RTN1: variants seen among roughly 807,000 people sequenced by gnomAD.
RTN1 encodes reticulon-1.
Under a neutral mutation model 65.5 loss-of-function variants are expected in RTN1, and 25 were observed. That is an observed-to-expected ratio of 0.38 (90% CI 0.28 to 0.53). The LOEUF (loss-of-function observed/expected upper bound fraction) is 0.53, where lower values mean the gene tolerates loss of function less well. Among genes scored for constraint, RTN1 ranks in the 20% least tolerant of loss-of-function variants. The pLI, the probability that RTN1 is intolerant of heterozygous loss-of-function variation, is 0.79. For missense variants in RTN1, 983 were observed against 1,025.4 expected, an observed-to-expected ratio of 0.96 and a Z score of 0.57; for synonymous variants, 471 against 447.6, an observed-to-expected ratio of 1.05 and a Z score of -0.66.
chr14:59,851,302 G>C lies in RTN1; in HGVS notation c.241+19088C>G, dbSNP rs1887502245. 2.0e-5 allele frequency among the ~76,000 whole-genome samples: 3 copies of C among 152,142 alleles called. No individual in the cohort carries two copies. The South Asian group carries it at 6.2e-4, about 32-fold the overall frequency. On this transcript the variant is annotated intron_variant, in intron 1 of 8. Transcript: ENST00000267484. ...AGGTTGACCTTGATGTCTTCTGTCT[G>C]GCAGAATGGCAGAGAATTTCATTTT...
chr14:59,727,072 G>C lies in RTN1; in HGVS notation c.1612C>G (p.Pro538Ala), dbSNP rs751537057. Reference sequence around the variant, plus strand: ...TCAGGCTCCAGGGCTCCGTCTCCAGGGGGCAGCTCGGGGCCAGGCTGGGGC... The same window carrying C: ...TCAGGCTCCAGGGCTCCGTCTCCAGCGGGCAGCTCGGGGCCAGGCTGGGGC... ...TEPQPGPELP[P>A]GDGALEPETP... The change falls in exon 3 of 9, where the codon CCT becomes GCT. Residue 538 changes from proline to alanine, a missense_variant. Around this residue, in one of 2 missense-constraint regions of RTN1, gnomAD observed 818 missense variants for 801.8 expected, o/e 1.02. Transcript: ENST00000267484. The surrounding 1 kb of genome is among the most constrained non-coding windows in gnomAD (Gnocchi z 4.2). 1 of 1,612,402 alleles carries C rather than the reference G, an allele frequency of 6.2e-7. No homozygotes were observed. Among genetic ancestry groups the C allele is most frequent in the East Asian group, 2.2e-5 (1 of 44,798 alleles).
intron 1 of RTN1, among the ~76,000 whole-genome samples, chr14:59,749,571 A>ATC (rs1566712208): frequency 0.13 from 6,291 of 49,676 alleles, 1,884 homozygotes; most frequent in African/African-American, 0.26. Flanking sequence ...ATATATAGAT[A>ATC]TATATATATA....
chr14:59,759,022 C>A (rs899600653), intron 1 of RTN1, among the ~76,000 whole-genome samples: 2 of 152,100 alleles, frequency 1.3e-5, no homozygotes, highest in African/African-American at 2.4e-5. Flanking sequence ...AGAAGTGATG[C>A]TGGGTGGGTT....
rs556869429 is a variant in RTN1, at chr14:59,645,347, A to G, written c.1766-37855T>C. 7.2e-5 allele frequency among the ~76,000 whole-genome samples: 11 copies of G among 152,322 alleles called. No homozygotes were observed. In the South Asian group the frequency reaches 1.0e-3, roughly 14 times the overall value. The stretch of plus-strand genomic sequence containing the variant: ...ACCTCCTGCATATTCCAGCAGCCCA[A>G]TGGAAAAGTGGCCAGACTTTTATAT... On this transcript the variant is annotated intron_variant, in intron 3 of 8. Coordinates refer to ENST00000267484, the MANE Select transcript of RTN1 (RefSeq NM_021136.3).
At chr14:59,664,793 G>C (rs1230537533) in intron 3 of RTN1, among the ~76,000 whole-genome samples, 4 of 152,028 alleles carry the variant, frequency 2.6e-5, no homozygotes, top group Non-Finnish European at 5.9e-5. Flanking sequence ...TATAACTGCT[G>C]TGAACATCTG....
chr14:59,796,353 G>A (rs550880445), intron 1 of RTN1, among the ~76,000 whole-genome samples: 9 of 152,142 alleles, frequency 5.9e-5, no homozygotes, highest in South Asian at 4.2e-4. Flanking sequence ...ATCTCAGAAC[G>A]TAGCCCCGTG....
At chr14:59,822,899 T>C (rs1427177357) in intron 1 of RTN1, among the ~76,000 whole-genome samples, 1 of 152,010 alleles carries the variant, frequency 6.6e-6, no homozygotes, top group Non-Finnish European at 1.5e-5. Flanking sequence ...TTTTAACTTG[T>C]TGAAAATTGC....
At chr14:59,769,466 G>A (rs1885913011) in intron 1 of RTN1, among the ~76,000 whole-genome samples, 1 of 152,212 alleles carries the variant, frequency 6.6e-6, no homozygotes, top group African/African-American at 2.4e-5. Flanking sequence ...GCAATGAGTT[G>A]TTTTGCCTCT....
At chr14:59,731,220 T>C (rs962287762) in intron 2 of RTN1, among the ~76,000 whole-genome samples, 18 of 152,126 alleles carry the variant, frequency 1.2e-4, no homozygotes, top group African/African-American at 3.9e-4. Flanking sequence ...TGGCTAAATA[T>C]TAAAAACAGT....
rs1196838903 is a variant in RTN1, at chr14:59,727,468, C to T, written c.1216G>A (p.Ala406Thr). The T allele has an allele frequency of 1.0e-5, 16 of 1,570,110 alleles. No individual in the cohort carries two copies. Among genetic ancestry groups the T allele is most frequent in the Admixed American group, 5.6e-5 (3 of 53,722 alleles). Residue 406 changes from alanine (A) to threonine (T), a missense_variant, in exon 3 of 9, where the codon GCG (alanine) becomes ACG (threonine). Coordinates refer to ENST00000267484, the MANE Select transcript of RTN1 (RefSeq NM_021136.3). This position sits in a 1 kb window ranked among gnomAD's most constrained non-coding sequence, Gnocchi z 4.2. ...PSPLDHEASS[A>T]ESGDSEIELV... is the part of the protein sequence containing the mutation. ...TCGATCTCTGAGTCCCCCGACTCCG[C>T]GCTGCTGGCCTCGTGGTCCAGGGGG...
At chr14:59,719,029 A>C (rs962362324) in intron 3 of RTN1, among the ~76,000 whole-genome samples, 2 of 152,126 alleles carry the variant, frequency 1.3e-5, no homozygotes, top group Non-Finnish European at 2.9e-5. Flanking sequence ...TCCTGCTTCC[A>C]TGCTTGCTTG....
chr14:59,817,794 T>C (rs1408776004), intron 1 of RTN1, among the ~76,000 whole-genome samples: 1 of 152,236 alleles, frequency 6.6e-6, no homozygotes, highest in African/African-American at 2.4e-5. Context: ...TTGCGTTTTC[T>C]CTATTTTTGC....
rs1253494411 is a variant in RTN1, at chr14:59,820,066, C to T, written c.241+50324G>A. On this transcript the variant is annotated intron_variant, in intron 1 of 8. Transcript: ENST00000267484. ...GCCAAGGCCGAGGAGGCGCCGAGAG[C>T]GAGTGAGGGGTGCTAGCAAGTTGTC... Among the ~76,000 whole-genome samples the T allele has an allele frequency of 5.9e-5, 9 of 152,190 alleles. No individual in the cohort carries two copies. The South Asian group carries it at 1.9e-3, about 31-fold the overall frequency.
At chr14:59,686,266 T>G (rs1883845311) in intron 3 of RTN1, among the ~76,000 whole-genome samples, 1 of 152,166 alleles carries the variant, frequency 6.6e-6, no homozygotes. Context: ...GGGCGATTAT[T>G]TTTTTGGATA....
At chr14:59,837,996 A>C (rs1887243041) in intron 1 of RTN1, among the ~76,000 whole-genome samples, 1 of 152,078 alleles carries the variant, frequency 6.6e-6, no homozygotes, top group African/African-American at 2.4e-5. Flanking sequence ...GGTTTGTTAC[A>C]TGGGTATAAT....
At chr14:59,818,725 T>C (rs936952488) in intron 1 of RTN1, among the ~76,000 whole-genome samples, 1 of 152,200 alleles carries the variant, frequency 6.6e-6, no homozygotes, top group Non-Finnish European at 1.5e-5. Flanking sequence ...TTTTAACTTA[T>C]TTGAGAATTC....
intron 3 of RTN1, among the ~76,000 whole-genome samples, chr14:59,706,965 A>C (rs1884307794): frequency 2.0e-5 from 3 of 152,186 alleles, no homozygotes; most frequent in Admixed American, 2.0e-4. Flanking sequence ...ATACAGTTAA[A>C]AGCAACTCCT....
At chr14:59,744,864 TC>T (rs1290691607) in intron 2 of RTN1, among the ~76,000 whole-genome samples, 1 of 152,148 alleles carries the variant, frequency 6.6e-6, no homozygotes, top group Non-Finnish European at 1.5e-5. Context: ...TCATAATGTC[TC>T]CAAGAGACCT....
chr14:59,731,475 T>C (rs1347714853), intron 2 of RTN1, among the ~76,000 whole-genome samples: 1 of 152,186 alleles, frequency 6.6e-6, no homozygotes, highest in African/African-American at 2.4e-5. Context: ...TTTAAATGAA[T>C]TGTATAGTAT....
Sources: gnomAD v4.1 joint callset for allele counts (sites outside exome capture counted in the v4.1 genomes callset) on GRCh38, gnomAD v4.1.1 for gene constraint, gnomAD v4.1.1 regional missense constraint, Gnocchi (gnomAD v3.1) non-coding constraint, MANE v1.5 for transcripts, NCBI Gene and HGNC (gene_info 2026-07-23, HGNC 2026-07-21) for gene names.